REC8: variants seen among roughly 807,000 people sequenced by gnomAD.
REC8 encodes meiotic recombination protein REC8 homolog.
In REC8, 42 loss-of-function variants were observed where a neutral mutation model predicts 78.3. That is an observed-to-expected ratio of 0.54 (90% CI 0.42 to 0.69). The LOEUF is 0.69. Among genes scored for constraint, REC8 ranks in the 30% least tolerant of loss-of-function variants. REC8 has a pLI of 0.00. For missense variants in REC8, 581 were observed against 715.8 expected (o/e 0.81, Z 2.15); for synonymous variants, 268 against 274.1 (o/e 0.98, Z 0.22).
chr14:24,179,433 G>C lies in REC8; in HGVS notation c.1289G>C (p.Arg430Pro). 6.2e-7 allele frequency: 1 copy of C among 1,614,126 alleles called. No individual in the cohort carries two copies. Reference sequence around the variant, plus strand: ...GAGGCAGCTGAAGAGGAGAAGTCCCGCATCAGCCTCATCCCACCAGAAGAA... The same window carrying C: ...GAGGCAGCTGAAGAGGAGAAGTCCCCCATCAGCCTCATCCCACCAGAAGAA... ...SLEAAEEEKS[R>P]ISLIPPEERW... The change falls in exon 16 of 19, where the codon CGC becomes CCC. Residue 430 changes from arginine (R) to proline (P), a missense_variant. Arg to Pro is a moderately radical substitution (Grantham distance 103, BLOSUM62 -2). Transcript: ENST00000611366.
chr14:24,176,082 T>A (rs2038883584), intron 6 of REC8, among the ~76,000 whole-genome samples: 1 of 150,798 alleles, frequency 6.6e-6, no homozygotes, highest in African/African-American at 2.4e-5. Flanking sequence ...TTTTTTTTTT[T>A]GAGAGATGGG....
intron 6 of REC8, among the ~76,000 whole-genome samples, chr14:24,176,582 G>A (rs1017496438): frequency 5.9e-5 from 9 of 151,884 alleles, no homozygotes; most frequent in African/African-American, 1.7e-4. Flanking sequence ...GGGCTCAAGC[G>A]ATCCAAAGTG....
chr14:24,179,255 C>T (rs961532538), intron 15 of REC8, 122 bp downstream of exon 15: 15 of 1,188,598 alleles, frequency 1.3e-5, no homozygotes, highest in African/African-American at 7.6e-5. Context: ...TAAGGAAGCA[C>T]GGACTGGTCC....
chr14:24,179,163 A>C, intron 15 of REC8, 30 bp downstream of exon 15: 3 of 1,534,242 alleles, frequency 2.0e-6, no homozygotes, highest in Non-Finnish European at 2.7e-6. Context: ...GCGCAGTGGG[A>C]CCACACCCTA....
chr14:24,177,370 C>T lies in REC8; in HGVS notation c.724C>T (p.Pro242Ser). ...ILLEIPRLPP[P>S]APAEVEGIGE... ...CTCCACAGTCCCGCGGCTCCCACCTCCAGCTCCTGCAGAGTAAGGGCAAGA... is the reference window on the plus strand; with the variant it reads ...CTCCACAGTCCCGCGGCTCCCACCTTCAGCTCCTGCAGAGTAAGGGCAAGA... The change falls in exon 9 of 19, where the codon CCA becomes TCA. Residue 242 changes from proline (P) to serine (S), a missense_variant. Coordinates refer to ENST00000611366, the MANE Select transcript of REC8 (RefSeq NM_001048205.2). 6.2e-7 allele frequency: 1 copy of T among 1,614,188 alleles called. No individual in the cohort carries two copies. The highest frequency in any genetic ancestry group is 1.6e-4 in the Middle Eastern group (1 of 6,062).
At position 24,173,271 on chromosome 14, in the gene REC8, CG is replaced by C. The variant is rs767450436; in HGVS notation, c.342-18del. ...AGCCTGGCTCAGCCTCAGTCCTTCA[CG>C]GCCTACATTCTCTCCCAGACCCAGC... On this transcript the variant is annotated intron_variant, in intron 4 of 18. Transcript: ENST00000611366. 9 of 1,614,116 alleles carry C rather than the reference CG, an allele frequency of 5.6e-6. No individual in the cohort carries two copies. The highest frequency in any genetic ancestry group is 7.6e-6 in the Non-Finnish European group (9 of 1,179,946).
intron 5 of REC8, 90 bp downstream of exon 5, chr14:24,173,501 A>C (rs1349933248): frequency 2.3e-5 from 36 of 1,567,096 alleles, no homozygotes; most frequent in Non-Finnish European, 2.8e-5. Context: ...TGGGGAAGGA[A>C]GCTTACCACA....
rs1885711 is a variant in REC8, at chr14:24,178,608, T to C, written c.999T>C (p.Pro333=). ...TCTGACCTTCCCCCACTACACAGCC[T>C]ATGGTGCAGCCGCCCGAGAGGACCA... The part of the protein sequence containing the change: ...LQTRAHCWEC[P]MVQPPERTIR... The change falls in exon 13 of 19, where the codon CCT becomes CCC. Residue 333 remains proline (P), a splice_region_variant and synonymous_variant. Transcript: ENST00000611366. 0.55 allele frequency: 885,108 copies of C among 1,613,222 alleles called. 252,359 individuals are homozygous for C. Among genetic ancestry groups the C allele is most frequent in the East Asian group, 0.93 (41,825 of 44,856 alleles).
At chr14:24,173,837 C>T (rs1405120454) in intron 5 of REC8, among the ~76,000 whole-genome samples, 1 of 152,062 alleles carries the variant, frequency 6.6e-6, no homozygotes, top group African/African-American at 2.4e-5. Flanking sequence ...TCTCCATGCC[C>T]CATTTATTTC....
chr14:24,177,021 C>A, intron 7 of REC8, 120 bp downstream of exon 7: 1 of 1,314,970 alleles, frequency 7.6e-7, no homozygotes. Context: ...CACTTGAGCA[C>A]CCAGTGGCTT....
Position 24,180,121 on chromosome 14 carries a change from C to A in REC8, c.*26C>A. ...GGTTAGAGTCCATTTACAAAGCTGC[C>A]AGGAAACCGGCCACTTCTAGTAAAC... On this transcript the variant is annotated 3_prime_UTR_variant, in exon 19 of 19. Coordinates refer to ENST00000611366, the MANE Select transcript of REC8 (RefSeq NM_001048205.2). 1.2e-6 allele frequency: 2 copies of A among 1,614,098 alleles called. No individual in the cohort carries two copies. Among genetic ancestry groups the A allele is most frequent in the Non-Finnish European group, 1.7e-6 (2 of 1,180,038 alleles).
chr14:24,177,787 C>T, intron 11 of REC8, 29 bp downstream of exon 11: 1 of 1,556,494 alleles, frequency 6.4e-7, no homozygotes, highest in Non-Finnish European at 8.7e-7. Context: ...AATCCTCCTC[C>T]TCCTCCTCTT....
chr14:24,178,344 A>C, intron 12 of REC8, 122 bp downstream of exon 12: 1 of 935,182 alleles, frequency 1.1e-6, no homozygotes. Flanking sequence ...TTGATGAAAA[A>C]TCTCCTCCAT....
intron 5 of REC8, among the ~76,000 whole-genome samples, chr14:24,173,646 T>C (rs1243637225): frequency 6.6e-6 from 1 of 152,146 alleles, no homozygotes; most frequent in African/African-American, 2.4e-5. Flanking sequence ...TCCCCACTTG[T>C]CTCCACACTG....
intron 7 of REC8, 89 bp from the exon 8 acceptor site, chr14:24,177,052 C>A (rs2038928360): frequency 7.1e-7 from 1 of 1,406,906 alleles, no homozygotes; most frequent in African/African-American, 1.4e-5. Flanking sequence ...GGCCCTGTGG[C>A]ATGCCTCTGG....
In REC8 at chr14:24,178,218, A is replaced by C. The variant is rs1308058591; in HGVS notation, c.992A>C (p.Glu331Ala). 6.2e-7 allele frequency: 1 copy of C among 1,613,586 alleles called. No homozygotes were observed. Among genetic ancestry groups the C allele is most frequent in the African/African-American group, 1.3e-5 (1 of 74,996 alleles). The change falls in exon 12 of 19, where the codon GAA (glutamate) becomes GCA (alanine). Residue 331 changes from glutamate to alanine, a missense_variant. Transcript: ENST00000611366. ...CTGCAAACCAGAGCCCACTGCTGGG[A>C]ATGTGTGAGTGCAGCCCAGGCTTTG... ...EQLQTRAHCW[E>A]CPMVQPPERT...
rs755294075 is a variant in REC8, at chr14:24,177,326, C to G, written c.707-27C>G. ...ATGCTCCCATTTCTCTTTTTCTGTC[C>G]TCTGAACTCTGATTCTCTCTCCACA... is the stretch of plus-strand genomic sequence containing the variant. On this transcript the variant is annotated intron_variant, in intron 8 of 18. Coordinates refer to ENST00000611366, the MANE Select transcript of REC8 (RefSeq NM_001048205.2). The G allele has an allele frequency of 1.3e-5, 21 of 1,614,038 alleles. 1 individual carries two copies. Among genetic ancestry groups the G allele is most frequent in the Non-Finnish European group, 1.4e-5 (17 of 1,179,992 alleles).
At chr14:24,180,298 C>G, downstream of REC8, 1 of 1,515,462 alleles carries the variant, frequency 6.6e-7, no homozygotes, top group Non-Finnish European at 8.9e-7. Flanking sequence ...GCCTCAGGGA[C>G]AGCCCTGTAA....
intron 12 of REC8, 70 bp from the exon 13 acceptor site, chr14:24,178,536 C>A: frequency 6.6e-7 from 1 of 1,513,076 alleles, no homozygotes; most frequent in Non-Finnish European, 9.1e-7. Context: ...CAGTGCATTG[C>A]AAAGAGGCAA....
Sources: gnomAD v4.1 joint callset for allele counts (sites outside exome capture counted in the v4.1 genomes callset) on GRCh38, gnomAD v4.1.1 for gene constraint, MANE v1.5 for transcripts, NCBI Gene and HGNC (gene_info 2026-07-23, HGNC 2026-07-21) for gene names.